HCN1: variants seen among roughly 807,000 people sequenced by gnomAD.
HCN1 encodes potassium/sodium hyperpolarization-activated cyclic nucleotide-gated channel 1.
A neutral mutation model predicts 78.9 loss-of-function variants in HCN1; 13 were observed. The observed-to-expected ratio is 0.16, with a 90% CI of 0.11 to 0.26. The LOEUF (loss-of-function observed/expected upper bound fraction) is 0.26, where lower values mean the gene tolerates loss of function less well. Among genes scored for constraint, HCN1 ranks in the 10% least tolerant of loss-of-function variants. HCN1 has a pLI of 1.00. For synonymous variants in HCN1, 552 were observed against 455.5 expected (o/e 1.21, Z -2.70); for missense variants, 810 against 1,154.3 (o/e 0.70, Z 4.32).
chr5:45,504,860 G>C (rs1160094221), intron 2 of HCN1, among the ~76,000 whole-genome samples: 2 of 152,150 alleles, frequency 1.3e-5, no homozygotes, highest in Non-Finnish European at 2.9e-5. Context: ...GTGATGATAA[G>C]CATTTTTTCA....
chr5:45,581,622 T>C lies in HCN1; in HGVS notation c.849+63563A>G, dbSNP rs528162484. On this transcript the variant is annotated intron_variant, in intron 2 of 7. Coordinates refer to ENST00000303230, the MANE Select transcript of HCN1 (RefSeq NM_021072.4). ...TGCCTATGTCCTGAATGGTATTGCC[T>C]AGGTTTTCTTCTAGGGTTTTTATGG... 2.4e-3 allele frequency among the ~76,000 whole-genome samples: 358 copies of C among 152,294 alleles called. 1 individual carries two copies. The highest frequency in any genetic ancestry group is 3.8e-3 in the Non-Finnish European group (257 of 68,016).
At chr5:45,373,317 AAT>A (rs1450722846) in intron 4 of HCN1, among the ~76,000 whole-genome samples, 1 of 114,520 alleles carries the variant, frequency 8.7e-6, no homozygotes, top group Non-Finnish European at 1.7e-5. Flanking sequence ...CTATATATAA[AAT>A]ATATATTTCA....
chr5:45,349,613 T>C (rs1746839602), intron 5 of HCN1, among the ~76,000 whole-genome samples: 1 of 151,410 alleles, frequency 6.6e-6, no homozygotes, highest in South Asian at 2.1e-4. Context: ...TCAACAAAAT[T>C]GATAGACCGC....
intron 3 of HCN1, among the ~76,000 whole-genome samples, chr5:45,439,508 A>T (rs915178262): frequency 1.4e-4 from 21 of 152,196 alleles, no homozygotes; most frequent in Non-Finnish European, 1.8e-4. Flanking sequence ...ATGATGGGTT[A>T]AAACGGCAAA....
intron 5 of HCN1, among the ~76,000 whole-genome samples, chr5:45,352,589 C>G (rs934812818): frequency 6.6e-6 from 1 of 151,844 alleles, no homozygotes; most frequent in Non-Finnish European, 1.5e-5. Context: ...CAGGAGTGAT[C>G]TGAATATTCT....
At position 45,457,054 on chromosome 5, in the gene HCN1, A is replaced by G. The variant is rs932777299; in HGVS notation, c.1011+4792T>C. ...TAAAACCTTCAAAATGATTACTAAC[A>G]TGTAATCATATATTTATAAGATTGC... On this transcript the variant is annotated intron_variant, in intron 3 of 7. Coordinates refer to ENST00000303230, the MANE Select transcript of HCN1 (RefSeq NM_021072.4). Among the ~76,000 whole-genome samples, 3 of 152,062 alleles carry G rather than the reference A, an allele frequency of 2.0e-5. No individual in the cohort carries two copies. The South Asian group carries it at 6.2e-4, about 31-fold the overall frequency.
intron 5 of HCN1, among the ~76,000 whole-genome samples, chr5:45,311,314 A>T (rs1745847907): frequency 6.6e-6 from 1 of 152,190 alleles, no homozygotes; most frequent in Non-Finnish European, 1.5e-5. Flanking sequence ...ATATAGCATC[A>T]ATATGGTTTT....
At chr5:45,375,738 T>TATTATATATAAG (rs1561131682) in intron 4 of HCN1, among the ~76,000 whole-genome samples, 1 of 106,290 alleles carries the variant, frequency 9.4e-6, no homozygotes, top group Non-Finnish European at 1.7e-5. Flanking sequence ...TTTTATGATA[T>TATTATATATAAG]ATCTTATATA....
chr5:45,566,970 A>T (rs536719782), intron 2 of HCN1, among the ~76,000 whole-genome samples: 1 of 152,334 alleles, frequency 6.6e-6, no homozygotes, highest in South Asian at 2.1e-4. Flanking sequence ...TTATAGGTTA[A>T]GAAAATACAC....
At chr5:45,587,369 A>G (rs1176866879) in intron 2 of HCN1, among the ~76,000 whole-genome samples, 1 of 152,214 alleles carries the variant, frequency 6.6e-6, no homozygotes, top group Non-Finnish European at 1.5e-5. Context: ...CTATGCAGCC[A>G]CAAAAAAGGA....
chr5:45,428,868 A>C (rs1740407706), intron 3 of HCN1, among the ~76,000 whole-genome samples: 1 of 152,142 alleles, frequency 6.6e-6, no homozygotes, highest in African/African-American at 2.4e-5. Flanking sequence ...TATATTATAC[A>C]CAATATAATG....
chr5:45,381,617 C>T (rs544509174), intron 4 of HCN1, among the ~76,000 whole-genome samples: 2 of 152,194 alleles, frequency 1.3e-5, no homozygotes, highest in Admixed American at 1.3e-4. Flanking sequence ...AGACATTTTC[C>T]AGATTCATCA....
intron 5 of HCN1, among the ~76,000 whole-genome samples, chr5:45,315,730 A>T (rs1347580101): frequency 6.6e-6 from 1 of 152,146 alleles, no homozygotes; most frequent in African/African-American, 2.4e-5. Context: ...GGTAAAGGGG[A>T]TATCACCACC....
intron 5 of HCN1, among the ~76,000 whole-genome samples, chr5:45,309,767 C>A (rs1158304057): frequency 1.3e-5 from 2 of 152,108 alleles, no homozygotes; most frequent in African/African-American, 4.8e-5. Context: ...ATTCTGTTTG[C>A]CAGCATTTTG....
chr5:45,315,157 G>C (rs1745954391), intron 5 of HCN1, among the ~76,000 whole-genome samples: 1 of 152,214 alleles, frequency 6.6e-6, no homozygotes, highest in East Asian at 1.9e-4. Flanking sequence ...TGACAACATA[G>C]TTGGAAGTAA....
At chr5:45,670,701 G>A (rs1044701475) in intron 1 of HCN1, among the ~76,000 whole-genome samples, 1 of 151,578 alleles carries the variant, frequency 6.6e-6, no homozygotes, top group Non-Finnish European at 1.5e-5. Flanking sequence ...TTTAGGATCT[G>A]TCTACTGGGA....
chr5:45,355,098 G>A (rs1746982811), intron 4 of HCN1, among the ~76,000 whole-genome samples: 1 of 151,902 alleles, frequency 6.6e-6, no homozygotes, highest in Admixed American at 6.6e-5. Context: ...CCTCACACAA[G>A]TCATTTAACC....
chr5:45,427,462 C>T (rs901712663), intron 3 of HCN1, among the ~76,000 whole-genome samples: 4 of 152,022 alleles, frequency 2.6e-5, no homozygotes, highest in Admixed American at 1.3e-4. Flanking sequence ...ATCTTTGCCT[C>T]TTTCTAAAAT....
chr5:45,535,007 C>G (rs1742937914), intron 2 of HCN1, among the ~76,000 whole-genome samples: 1 of 152,078 alleles, frequency 6.6e-6, no homozygotes, highest in African/African-American at 2.4e-5. Context: ...TCTATCCACC[C>G]AAAATAAAAC....
Sources: gnomAD v4.1 joint callset for allele counts (sites outside exome capture counted in the v4.1 genomes callset) on GRCh38, gnomAD v4.1.1 for gene constraint, MANE v1.5 for transcripts, NCBI Gene and HGNC (gene_info 2026-07-23, HGNC 2026-07-21) for gene names.